CCDC30: variants seen among roughly 807,000 people sequenced by gnomAD.
The protein encoded by CCDC30 is coiled-coil domain-containing protein 30.
Under a neutral mutation model 100.2 loss-of-function variants are expected in CCDC30, and 70 were observed. That is an observed-to-expected ratio of 0.70 (90% CI 0.58 to 0.85). The LOEUF (loss-of-function observed/expected upper bound fraction) is 0.85, where lower values mean the gene tolerates loss of function less well. Among genes scored for constraint, CCDC30 ranks in the 40% least tolerant of loss-of-function variants. CCDC30 has a pLI of 0.00. For synonymous variants in CCDC30, 233 were observed against 269.5 expected, an observed-to-expected ratio of 0.86 and a Z score of 1.33; for missense variants, 652 against 771.2, an observed-to-expected ratio of 0.85 and a Z score of 1.83.
chr1:42,459,150 C>G (rs1375488809), upstream of CCDC30: 1 of 151,572 alleles, frequency 6.6e-6, no homozygotes, highest in African/African-American at 2.6e-5. Context: ...TCTACAGAGC[C>G]AAGGCTTTTT....
At chr1:42,560,470 A>T (rs1645464075) in intron 6 of CCDC30, among the ~76,000 whole-genome samples, 1 of 151,962 alleles carries the variant, frequency 6.6e-6, no homozygotes, top group Admixed American at 6.6e-5. Context: ...CCTGGGTTCA[A>T]GTGATTCTCC....
At chr1:42,539,305 A>T (rs1017644033) in intron 6 of CCDC30, 11 of 1,592,212 alleles carry the variant, frequency 6.9e-6, no homozygotes, top group Middle Eastern at 1.7e-4. Context: ...TGAATTAGAA[A>T]CAAAGGTGAG....
At chr1:42,517,450 G>A (rs752376455) in intron 6 of CCDC30, among the ~76,000 whole-genome samples, 3 of 152,108 alleles carry the variant, frequency 2.0e-5, no homozygotes, top group Non-Finnish European at 4.4e-5. Flanking sequence ...TTTTTCTTTT[G>A]TTGCCTGTGT....
At chr1:42,581,635 C>G in intron 9 of CCDC30, 121 bp downstream of exon 13, 1 of 805,284 alleles carries the variant, frequency 1.2e-6, no homozygotes, top group Non-Finnish European at 1.9e-6. Flanking sequence ...CTGAAGTAAA[C>G]TCAGCCACAC....
intron 2 of CCDC30, among the ~76,000 whole-genome samples, chr1:42,482,215 T>A (rs1569753735): frequency 8.4e-6 from 1 of 118,846 alleles, no homozygotes; most frequent in African/African-American, 3.3e-5. Flanking sequence ...CAGGTGAGAC[T>A]CCATCTCAAA....
At chr1:42,595,901 G>C (rs993042611) in intron 10 of CCDC30, among the ~76,000 whole-genome samples, 5 of 152,198 alleles carry the variant, frequency 3.3e-5, no homozygotes, top group Non-Finnish European at 7.3e-5. Context: ...TGTTCCGTCT[G>C]ATTATTGAGA....
At chr1:42,516,542 A>C (rs1644556919) in intron 6 of CCDC30, among the ~76,000 whole-genome samples, 1 of 143,916 alleles carries the variant, frequency 6.9e-6, no homozygotes, top group Admixed American at 7.3e-5. Context: ...ACTGCACTGC[A>C]GCCTGGACGA....
chr1:42,499,832 G>A (rs1408269596), intron 6 of CCDC30, among the ~76,000 whole-genome samples: 1 of 150,182 alleles, frequency 6.7e-6, no homozygotes, highest in Non-Finnish European at 1.5e-5. Context: ...AAAATATTGT[G>A]CATTCCAATA....
chr1:42,466,587 T>A (rs1283102233), intron 1 of CCDC30, among the ~76,000 whole-genome samples: 1 of 151,870 alleles, frequency 6.6e-6, no homozygotes, highest in Non-Finnish European at 1.5e-5. Context: ...AGCCTTGCTC[T>A]GTCGCCCAGG....
intron 6 of CCDC30, among the ~76,000 whole-genome samples, chr1:42,541,672 A>G (rs964599838): frequency 3.3e-5 from 5 of 152,198 alleles, no homozygotes; most frequent in Non-Finnish European, 5.9e-5. Context: ...TTGTGGGGAG[A>G]TACTTTGAGA....
chr1:42,592,229 T>C (rs558318291), intron 10 of CCDC30: 2 of 152,106 alleles, frequency 1.3e-5, no homozygotes, highest in African/African-American at 4.8e-5. Flanking sequence ...ATTTGAGGGG[T>C]CATGGGTGGA....
chr1:42,525,119 C>A (rs1180252849), intron 6 of CCDC30, among the ~76,000 whole-genome samples: 2 of 151,892 alleles, frequency 1.3e-5, no homozygotes, highest in Non-Finnish European at 2.9e-5. Context: ...ATTACAGTTT[C>A]TCTTGGTTTT....
At chr1:42,496,872 G>A (rs1227111046) in intron 4 of CCDC30, among the ~76,000 whole-genome samples, 1 of 152,174 alleles carries the variant, frequency 6.6e-6, no homozygotes, top group Non-Finnish European at 1.5e-5. Context: ...TCTGGTGTGA[G>A]TAATATAAAA....
chr1:42,494,231 T>C (rs367993672), intron 4 of CCDC30, among the ~76,000 whole-genome samples: 1 of 152,040 alleles, frequency 6.6e-6, no homozygotes, highest in South Asian at 2.1e-4. Flanking sequence ...CTTTGACAAA[T>C]CTGAGAAAAA....
intron 10 of CCDC30, among the ~76,000 whole-genome samples, chr1:42,603,980 A>G (rs4660649): frequency 0.44 from 66,502 of 151,960 alleles, 14,836 homozygotes; most frequent in Non-Finnish European, 0.45. Flanking sequence ...AGGACTTTAG[A>G]AGGCTGAGGT....
At chr1:42,543,027 C>T (rs1280490426) in intron 6 of CCDC30, among the ~76,000 whole-genome samples, 1 of 152,122 alleles carries the variant, frequency 6.6e-6, no homozygotes, top group Non-Finnish European at 1.5e-5. Flanking sequence ...ATAATGCAAG[C>T]TCATTAATAA....
chr1:42,562,501 C>T (rs1335381525), intron 6 of CCDC30, among the ~76,000 whole-genome samples: 1 of 152,130 alleles, frequency 6.6e-6, no homozygotes, highest in Non-Finnish European at 1.5e-5. Flanking sequence ...ACCACAATAA[C>T]CCTAGAAGAA....
rs145475149 is a variant in CCDC30, at chr1:42,478,497, G to A, written c.-91-1964G>A. ...TCTCTGGCCGTGCACGGTGGCTCAC[G>A]CCTGTAATCCCAGCACTTTGTGAGG... is the stretch of plus-strand genomic sequence containing the variant. On this transcript the variant is annotated intron_variant, in intron 1 of 16. Transcript: ENST00000668663. Among the ~76,000 whole-genome samples the A allele has an allele frequency of 3.3e-3, 503 of 152,266 alleles. 4 individuals are homozygous for A. Among genetic ancestry groups the A allele is most frequent in the South Asian group, 0.033 (158 of 4,826 alleles).
intron 6 of CCDC30, among the ~76,000 whole-genome samples, chr1:42,557,718 A>AAATATATTAAATAAAATATGTTT (rs1645400313): frequency 6.8e-6 from 1 of 147,768 alleles, no homozygotes; most frequent in Non-Finnish European, 1.5e-5. Flanking sequence ...AAAATATGTA[A>AAATATATTAAATAAAATATGTTT]ATAATAAAAT....
Sources: gnomAD v4.1 joint callset for allele counts (sites outside exome capture counted in the v4.1 genomes callset) on GRCh38, gnomAD v4.1.1 for gene constraint, MANE v1.5 for transcripts, NCBI Gene and HGNC (gene_info 2026-07-23, HGNC 2026-07-21) for gene names.